Variants in ARHGAP21 observed in about 807,000 individuals in gnomAD.
ARHGAP21 encodes Rho GTPase activating protein 21.
A neutral mutation model predicts 164.6 loss-of-function variants in ARHGAP21; 38 were observed. That is an observed-to-expected ratio of 0.23 (90% confidence interval 0.18 to 0.30). The LOEUF is 0.30. ARHGAP21 is among the 10% of genes least tolerant of loss of function. ARHGAP21 has a pLI of 1.00. For missense variants in ARHGAP21, 1,822 were observed against 2,370.7 expected, an observed-to-expected ratio of 0.77 and a Z score of 4.81; for synonymous variants, 766 against 857.9, an observed-to-expected ratio of 0.89 and a Z score of 1.87.
chr10:24,606,298 C>G (rs2077021826), intron 11 of ARHGAP21, among the ~76,000 whole-genome samples: 1 of 151,816 alleles, frequency 6.6e-6, no homozygotes, highest in Non-Finnish European at 1.5e-5. Context: ...TGCAACACAT[C>G]ACAGAAAAAT....
At chr10:24,631,375 T>TAATAA (rs951119452) in intron 6 of ARHGAP21, among the ~76,000 whole-genome samples, 4 of 148,874 alleles carry the variant, frequency 2.7e-5, no homozygotes, top group East Asian at 2.0e-4. Flanking sequence ...AAAAAAGAAA[T>TAATAA]AATAAAATAA....
At chr10:24,604,206 C>A (rs905135476) in intron 12 of ARHGAP21, 106 bp downstream of exon 12, 2 of 774,938 alleles carry the variant, frequency 2.6e-6, no homozygotes. Flanking sequence ...TACATACTTA[C>A]AGAATAAAAG....
chr10:24,625,993 C>T (rs1565047245), intron 7 of ARHGAP21, among the ~76,000 whole-genome samples: 1 of 152,150 alleles, frequency 6.6e-6, no homozygotes, highest in Admixed American at 6.6e-5. Flanking sequence ...ATCTCAGACC[C>T]GCCCGAGTTC....
rs1462787586 is a variant in ARHGAP21 at position 24,673,082 on chromosome 10, T to C, written c.64-2685A>G. ...ATAGAGAGATATACCATGTTCATGA[T>C]TTAGAAGACGCAGTACTGTTACAAT... is the stretch of plus-strand genomic sequence containing the variant. On this transcript the variant is annotated intron_variant, in intron 2 of 25. Transcript: ENST00000396432. Among the ~76,000 whole-genome samples the C allele has an allele frequency of 2.0e-5, 3 of 152,312 alleles. No homozygotes were observed. The South Asian group carries it at 6.2e-4, about 32-fold the overall frequency.
At chr10:24,625,756 T>A (rs912593198) in intron 7 of ARHGAP21, among the ~76,000 whole-genome samples, 3 of 152,212 alleles carry the variant, frequency 2.0e-5, no homozygotes, top group Non-Finnish European at 2.9e-5. Context: ...ATGCTTATTT[T>A]AAAAGTAATT....
intron 13 of ARHGAP21, 81 bp downstream of exon 13, chr10:24,601,890 ATCATGCC>A (rs940984898): frequency 4.0e-5 from 53 of 1,309,876 alleles, no homozygotes; most frequent in Non-Finnish European, 5.1e-5. Context: ...TAATCTGGAT[ATCATGCC>A]ATTTTATGTA....
chr10:24,621,884 C>A (rs1478023302), intron 8 of ARHGAP21, among the ~76,000 whole-genome samples: 1 of 152,010 alleles, frequency 6.6e-6, no homozygotes, highest in Non-Finnish European at 1.5e-5. Flanking sequence ...AAGAATAATC[C>A]ATTTTGACAA....
intron 4 of ARHGAP21, among the ~76,000 whole-genome samples, chr10:24,662,467 T>C (rs573224693): frequency 6.6e-6 from 1 of 152,272 alleles, no homozygotes; most frequent in South Asian, 2.1e-4. Flanking sequence ...TATTATCTCA[T>C]ACCTTACAGG....
intron 9 of ARHGAP21, among the ~76,000 whole-genome samples, chr10:24,608,783 G>C (rs571311424): frequency 6.6e-6 from 1 of 151,216 alleles, no homozygotes; most frequent in East Asian, 1.9e-4. Flanking sequence ...TTCTTTAAAA[G>C]CAGCTCTTTA....
At chr10:24,596,511 C>G (rs2076587412) in intron 17 of ARHGAP21, 1 of 584,866 alleles carries the variant, frequency 1.7e-6, no homozygotes, top group Non-Finnish European at 2.9e-6. Context: ...CGAATTCTTA[C>G]AGACCATTTC....
At chr10:24,721,761 G>T (rs989083371) in intron 2 of ARHGAP21, 76 bp downstream of exon 2, 3 of 1,556,386 alleles carry the variant, frequency 1.9e-6, no homozygotes, top group Non-Finnish European at 2.6e-6. Flanking sequence ...CCCCGTGGCC[G>T]GTAACCCCCA....
chr10:24,596,085 A>G (rs1399528438), intron 17 of ARHGAP21, 42 bp from the exon 18 acceptor site: 1 of 1,504,824 alleles, frequency 6.6e-7, no homozygotes, highest in Non-Finnish European at 9.0e-7. Flanking sequence ...TGCAGCACAA[A>G]TGTTTAGTAG....
rs763011805 is a variant in ARHGAP21 at position 24,619,661 on chromosome 10, C to A, written c.2234G>T (p.Arg745Leu). 1 of 1,614,152 alleles carries A rather than the reference C, an allele frequency of 6.2e-7. No homozygotes were observed. Among genetic ancestry groups the A allele is most frequent in the South Asian group, 1.1e-5 (1 of 91,078 alleles). Reference protein sequence around the residue: ...VILREKPPSGRQTPQPLRHQS... With the variant: ...VILREKPPSGLQTPQPLRHQS... ...ATGCCTTAAAGGCTGCGGTGTCTGG[C>A]GTCCAGATGGAGGTTTTTCCCTTAG... The change falls in exon 9 of 26, where the codon CGC (arginine) becomes CTC (leucine). Residue 745 changes from arginine to leucine, a missense_variant. Arg to Leu is a moderately radical substitution (Grantham distance 102, BLOSUM62 -2). Coordinates refer to ENST00000396432, the MANE Select transcript of ARHGAP21 (RefSeq NM_020824.4).
intron 14 of ARHGAP21, among the ~76,000 whole-genome samples, chr10:24,598,331 C>G (rs770688522): frequency 1.4e-4 from 21 of 152,202 alleles, no homozygotes; most frequent in Non-Finnish European, 2.4e-4. Context: ...CCAGTGTTTT[C>G]TCTAATACCA....
At chr10:24,651,364 G>T (rs917580494) in intron 4 of ARHGAP21, among the ~76,000 whole-genome samples, 1 of 152,188 alleles carries the variant, frequency 6.6e-6, no homozygotes, top group Non-Finnish European at 1.5e-5. Context: ...TTCTTTCACA[G>T]GGGTCAGGCC....
intron 4 of ARHGAP21, among the ~76,000 whole-genome samples, chr10:24,655,499 A>G (rs1838720903): frequency 6.6e-6 from 1 of 152,260 alleles, no homozygotes. Flanking sequence ...ACATTTATGC[A>G]GCCAACAGAC....
At chr10:24,716,300 A>G (rs527236667) in intron 2 of ARHGAP21, among the ~76,000 whole-genome samples, 30 of 152,370 alleles carry the variant, frequency 2.0e-4, no homozygotes, top group Admixed American at 1.1e-3. Flanking sequence ...CAAGGAAGGA[A>G]GGCAGAGCAT....
chr10:24,629,765 A>G, intron 7 of ARHGAP21: 1 of 576,452 alleles, frequency 1.7e-6, no homozygotes, highest in Non-Finnish European at 3.3e-6. Flanking sequence ...AAATGAGAGC[A>G]TTAAGAGTTC....
chr10:24,671,287 C>T (rs1388251654), intron 2 of ARHGAP21, among the ~76,000 whole-genome samples: 4 of 152,134 alleles, frequency 2.6e-5, no homozygotes, highest in Non-Finnish European at 2.9e-5. Context: ...TAAGCTATTT[C>T]ACTCTAAGTT....
Sources: allele counts gnomAD v4.1 joint callset (sites outside exome capture counted in the v4.1 genomes callset), GRCh38; gene constraint gnomAD v4.1.1; transcripts MANE v1.5; gene names NCBI Gene and HGNC (gene_info 2026-07-23, HGNC 2026-07-21).